BBS9: variants seen among roughly 807,000 people sequenced by gnomAD.
BBS9 encodes the protein protein PTHB1.
A neutral mutation model predicts 117.7 loss-of-function variants in BBS9; 89 were observed. That is an observed-to-expected ratio of 0.76 (90% CI 0.64 to 0.90). The LOEUF (loss-of-function observed/expected upper bound fraction) is 0.90, where lower values mean the gene tolerates loss of function less well. Ranked by LOEUF, BBS9 falls within the 40% of genes least tolerant of loss-of-function variation. BBS9 has a pLI of 0.00. For synonymous variants in BBS9, 379 were observed against 370.9 expected, an observed-to-expected ratio of 1.02 and a Z score of -0.25; for missense variants, 982 against 1,042.2, an observed-to-expected ratio of 0.94 and a Z score of 0.80.
At chr7:33,600,416 AG>A (rs1373390704) in intron 21 of BBS9, among the ~76,000 whole-genome samples, 1 of 151,368 alleles carries the variant, frequency 6.6e-6, no homozygotes, top group African/African-American at 2.4e-5. Context: ...TTTTTTGAGA[AG>A]CATTGCTGTA....
intron 1 of BBS9, among the ~76,000 whole-genome samples, chr7:33,136,932 A>G (rs1280554626): frequency 2.0e-5 from 3 of 152,036 alleles, no homozygotes; most frequent in Non-Finnish European, 4.4e-5. Flanking sequence ...CCACCAGTGG[A>G]TCTGTCTTGG....
chr7:33,494,119 T>C (rs535337820), intron 19 of BBS9, among the ~76,000 whole-genome samples: 1 of 152,152 alleles, frequency 6.6e-6, no homozygotes, highest in Non-Finnish European at 1.5e-5. Context: ...TCTAGACCGA[T>C]GGATCTCAAC....
At chr7:33,539,248 A>G (rs57617668) in intron 21 of BBS9, among the ~76,000 whole-genome samples, 22,392 of 152,236 alleles carry the variant, frequency 0.15, 1,830 homozygotes, top group African/African-American at 0.22. Flanking sequence ...TAGGTGGGAC[A>G]TGGCTTTATT....
intron 19 of BBS9, among the ~76,000 whole-genome samples, chr7:33,489,565 A>C (rs1843621901): frequency 6.6e-6 from 1 of 152,158 alleles, no homozygotes; most frequent in Non-Finnish European, 1.5e-5. Flanking sequence ...TGCCAGAATC[A>C]ACTTCTGATA....
In BBS9 at chr7:33,439,393, A is replaced by G. The variant is rs541950174; in HGVS notation, c.2115+51249A>G. Among the ~76,000 whole-genome samples the G allele has an allele frequency of 1.2e-4, 18 of 152,126 alleles. No individual in the cohort carries two copies. In the East Asian group the frequency reaches 2.1e-3, roughly 18 times the overall value. ...ACTATATTAATTTGGGAGAAATGCT[A>G]TTGTCTTTCTGATGTGACCCATGAT... On this transcript the variant is annotated intron_variant, in intron 19 of 22. Coordinates refer to ENST00000242067, the MANE Select transcript of BBS9 (RefSeq NM_198428.3).
intron 4 of BBS9, among the ~76,000 whole-genome samples, chr7:33,174,414 T>C (rs1362145162): frequency 6.6e-6 from 1 of 152,214 alleles, no homozygotes; most frequent in Non-Finnish European, 1.5e-5. Flanking sequence ...ATTTGTGAGT[T>C]GGGCAGCCTC....
At chr7:33,334,237 C>A (rs1563015513) in intron 9 of BBS9, among the ~76,000 whole-genome samples, 1 of 152,124 alleles carries the variant, frequency 6.6e-6, no homozygotes, top group East Asian at 1.9e-4. Context: ...TAGTAATAAA[C>A]CTTTCAACTC....
intron 19 of BBS9, among the ~76,000 whole-genome samples, chr7:33,436,087 G>T (rs1835266810): frequency 6.6e-6 from 1 of 152,164 alleles, no homozygotes; most frequent in Admixed American, 6.5e-5. Context: ...CTTTAAGACA[G>T]GTCAGCTCGC....
rs572421346 is a variant in BBS9 at position 33,412,756 on chromosome 7, A to G, written c.2115+24612A>G. Reference sequence around the variant, plus strand: ...ACCTTTGAAAGTTTACGCTTATATCATTTGAGGTAAATTACTTGCTATATC... The same window carrying G: ...ACCTTTGAAAGTTTACGCTTATATCGTTTGAGGTAAATTACTTGCTATATC... On this transcript the variant is annotated intron_variant, in intron 19 of 22. Coordinates refer to ENST00000242067, the MANE Select transcript of BBS9 (RefSeq NM_198428.3). 5.9e-5 allele frequency among the ~76,000 whole-genome samples: 9 copies of G among 152,292 alleles called. No individual in the cohort carries two copies. In the East Asian group the frequency reaches 1.7e-3, roughly 29 times the overall value.
At chr7:33,240,772 A>C (rs972693695) in intron 5 of BBS9, among the ~76,000 whole-genome samples, 1 of 152,116 alleles carries the variant, frequency 6.6e-6, no homozygotes. Flanking sequence ...ATATTCTTTT[A>C]TGTCTTTCAG....
chr7:33,625,345 CATATT>C (rs1865589982), intron 21 of BBS9, among the ~76,000 whole-genome samples: 1 of 152,098 alleles, frequency 6.6e-6, no homozygotes. Context: ...GAATTCTACT[CATATT>C]ATAGCACCTA....
At chr7:33,459,344 A>G (rs1839109286) in intron 19 of BBS9, among the ~76,000 whole-genome samples, 1 of 151,738 alleles carries the variant, frequency 6.6e-6, no homozygotes, top group Non-Finnish European at 1.5e-5. Context: ...GGCATTTTTG[A>G]TTGTAACAGC....
chr7:33,553,572 C>G (rs534302922), intron 21 of BBS9, among the ~76,000 whole-genome samples: 207 of 152,192 alleles, frequency 1.4e-3, no homozygotes, highest in Admixed American at 2.7e-3. Context: ...CCTTCCAGAC[C>G]TACAAATTGT....
intron 21 of BBS9, among the ~76,000 whole-genome samples, chr7:33,553,825 A>G (rs1854846381): frequency 6.6e-6 from 1 of 152,188 alleles, no homozygotes; most frequent in African/African-American, 2.4e-5. Flanking sequence ...ATGATGACTA[A>G]CAAGAGAGAC....
chr7:33,586,630 C>T (rs537275911), intron 21 of BBS9, among the ~76,000 whole-genome samples: 6 of 152,122 alleles, frequency 3.9e-5, no homozygotes, highest in South Asian at 2.1e-4. Flanking sequence ...GTAGCAAAGA[C>T]GTGGAATCAA....
chr7:33,144,896 A>G (rs763920416), intron 1 of BBS9, among the ~76,000 whole-genome samples: 2 of 152,230 alleles, frequency 1.3e-5, no homozygotes, highest in Non-Finnish European at 2.9e-5. Flanking sequence ...TGATGGATCT[A>G]TTGAGATGTA....
At position 33,367,773 on chromosome 7, in the gene BBS9, C is replaced by G. The variant is rs768755301; in HGVS notation, c.1700C>G (p.Ala567Gly). 24 of 1,613,614 alleles carry G rather than the reference C, an allele frequency of 1.5e-5. No homozygotes were observed. In the South Asian group the frequency reaches 2.5e-4, roughly 17 times the overall value. Residue 567 changes from alanine (A) to glycine (G), a missense_variant, in exon 17 of 23, where the codon GCC becomes GGC. Coordinates refer to ENST00000242067, the MANE Select transcript of BBS9 (RefSeq NM_198428.3). ...VSLLSLFPGF[A>G]SQSDDDQVNV... ...TTCTCTCTTTTCTTTGTAGGTTTTG[C>G]CAGTCAGTCAGATGATGATCAGGTG...
At chr7:33,292,295 A>C (rs1316387529) in intron 9 of BBS9, among the ~76,000 whole-genome samples, 1 of 151,582 alleles carries the variant, frequency 6.6e-6, no homozygotes, top group Non-Finnish European at 1.5e-5. Context: ...TGGTGTGCCC[A>C]TAGCTCACTG....
chr7:33,293,903 A>G lies in BBS9; in HGVS notation c.1016+19947A>G, dbSNP rs186879768. Among the ~76,000 whole-genome samples, 8 of 152,260 alleles carry G rather than the reference A, an allele frequency of 5.3e-5. No homozygotes were observed. In the East Asian group the frequency reaches 1.5e-3, roughly 29 times the overall value. ...TCTTTTTCTTCGTGAAGAGATCTACATAAAGTGTAGGTTTTAGTGTGACTC... is the reference window on the plus strand; with the variant it reads ...TCTTTTTCTTCGTGAAGAGATCTACGTAAAGTGTAGGTTTTAGTGTGACTC... On this transcript the variant is annotated intron_variant, in intron 9 of 22. Transcript: ENST00000242067.
Sources: allele counts gnomAD v4.1 joint callset (sites outside exome capture counted in the v4.1 genomes callset), GRCh38; gene constraint gnomAD v4.1.1; transcripts MANE v1.5; gene names NCBI Gene and HGNC (gene_info 2026-07-23, HGNC 2026-07-21).